ZNF709: variants seen among roughly 807,000 people sequenced by gnomAD.
ZNF709 encodes zinc finger protein 709.
Under a neutral mutation model 10.6 loss-of-function variants are expected in ZNF709, and 15 were observed. That is an observed-to-expected ratio of 1.41 (90% CI 0.95 to 2.18). The LOEUF is 2.18. Among genes scored for constraint, ZNF709 ranks in the 30% most tolerant of loss-of-function variants. The pLI is 0.00. For missense variants in ZNF709, 589 were observed against 774.0 expected (o/e 0.76, Z 2.84); for synonymous variants, 194 against 238.8 (o/e 0.81, Z 1.73).
At chr19:12,472,122 G>C (rs899799016) in intron 1 of ZNF709, among the ~76,000 whole-genome samples, 1 of 152,190 alleles carries the variant, frequency 6.6e-6, no homozygotes, top group Non-Finnish European at 1.5e-5. Flanking sequence ...CCAGGAGTTA[G>C]AGGCTGCAGT....
rs750712959 is a variant in ZNF709, at chr19:12,465,204, G to T, written c.718C>A (p.Arg240=). 41 of 1,612,832 alleles carry T rather than the reference G, an allele frequency of 2.5e-5. No individual in the cohort carries two copies. The Middle Eastern group carries it at 6.6e-4, about 26-fold the overall frequency. The change falls in exon 4 of 4, where the codon CGA becomes AGA. Residue 240 remains arginine (R), a synonymous_variant. Transcript: ENST00000397732. ...GKTFSHPSSF[R]NHERTHSGEK... ...CCAGAGTGAGTTCTTTCATGATTTC[G>T]AAAAGAACTGGGATGACTGAACGTT... is the stretch of plus-strand genomic sequence containing the variant.
At chr19:12,467,252 C>T (rs976102675) in intron 1 of ZNF709, among the ~76,000 whole-genome samples, 3 of 152,224 alleles carry the variant, frequency 2.0e-5, no homozygotes, top group Non-Finnish European at 4.4e-5. Context: ...ATTCTCCTGC[C>T]TCAGCCTGCC....
chr19:12,475,903 T>G (rs982102368), intron 1 of ZNF709, among the ~76,000 whole-genome samples: 6 of 152,164 alleles, frequency 3.9e-5, no homozygotes, highest in African/African-American at 1.4e-4. Context: ...CACATTAGTA[T>G]AGTATAGACT....
Position 12,464,595 on chromosome 19 carries a change from T to C in ZNF709, c.1327A>G (p.Thr443Ala). The C allele has an allele frequency of 3.1e-6, 5 of 1,612,350 alleles. No individual in the cohort carries two copies. The highest frequency in any genetic ancestry group is 4.2e-6 in the Non-Finnish European group (5 of 1,179,098). The change falls in exon 4 of 4, where the codon ACT (threonine) becomes GCT (alanine). Residue 443 changes from threonine (T) to alanine (A), a missense_variant. Transcript: ENST00000397732. ...SSVRIHERTH[T>A]GEKPYECKQC... ...TTACATTCATAGGGTTTCTCTCCAG[T>C]GTGAGTCCTTTCATGTATTCGAACA...
chr19:12,479,302 C>G (rs927523229), intron 1 of ZNF709, among the ~76,000 whole-genome samples: 1 of 151,440 alleles, frequency 6.6e-6, no homozygotes, highest in African/African-American at 2.4e-5. Flanking sequence ...GACCCCATCT[C>G]AAAAAAAATA....
chr19:12,464,232 G>T lies in ZNF709; in HGVS notation c.1690C>A (p.Gln564Lys). 1.3e-6 allele frequency: 2 copies of T among 1,593,398 alleles called. No homozygotes were observed. Among genetic ancestry groups the T allele is most frequent in the Non-Finnish European group, 1.7e-6 (2 of 1,170,960 alleles). The change falls in exon 4 of 4, where the codon CAA becomes AAA. Residue 564 changes from glutamine to lysine, a missense_variant. Physicochemically the swap from Gln to Lys is moderately conservative, Grantham distance 53. Around this residue, in one of 2 missense-constraint regions of ZNF709, gnomAD observed 171 missense variants for 277.7 expected, o/e 0.62. Coordinates refer to ENST00000397732, the MANE Select transcript of ZNF709 (RefSeq NM_152601.4). The part of the protein sequence containing the change: ...HTGEKPYECK[Q>K]CGKAFSCSSS... The stretch of plus-strand genomic sequence containing the variant: ...GAACAACTGAAGGCCTTACCACATT[G>T]TTTACACTCATAAGGTTTCTCTCCA...
At chr19:12,477,534 T>C (rs1970686970) in intron 1 of ZNF709, among the ~76,000 whole-genome samples, 1 of 152,224 alleles carries the variant, frequency 6.6e-6, no homozygotes, top group South Asian at 2.1e-4. Flanking sequence ...TCTTCTATTT[T>C]ATATTCAGTA....
At chr19:12,482,025 A>AG (rs1339712382) in intron 1 of ZNF709, among the ~76,000 whole-genome samples, 2 of 151,436 alleles carry the variant, frequency 1.3e-5, no homozygotes, top group East Asian at 3.9e-4. Context: ...AGGGAAAGGA[A>AG]AGCCAAGCCA....
intron 1 of ZNF709, among the ~76,000 whole-genome samples, chr19:12,470,926 C>CA (rs763385209): frequency 0.038 from 3,078 of 81,426 alleles, 91 homozygotes; most frequent in African/African-American, 0.11. Context: ...GACTCCACCT[C>CA]AAAAAAAAAA....
Position 12,465,643 on chromosome 19 carries a change from C to G in ZNF709, c.279G>C (p.Lys93Asn). Reference protein sequence around the residue: ...ISQTPNPKPNKKTFTRVKPYE... With the variant: ...ISQTPNPKPNNKTFTRVKPYE... ...ATGGTTTTACTCTAGTAAAAGTTTT[C>G]TTGTTTGGTTTAGGATTTGGAGTCT... The change falls in exon 4 of 4, where the codon AAG becomes AAC. Residue 93 changes from lysine to asparagine, a missense_variant. Lys to Asn is a moderately conservative substitution (Grantham distance 94, BLOSUM62 0). Transcript: ENST00000397732. 1 of 1,612,902 alleles carries G rather than the reference C, an allele frequency of 6.2e-7. No individual in the cohort carries two copies. Among genetic ancestry groups the G allele is most frequent in the Non-Finnish European group, 8.5e-7 (1 of 1,179,778 alleles).
chr19:12,465,136 T>G lies in ZNF709; in HGVS notation c.786A>C (p.Arg262Ser), dbSNP rs770525980. ...CATGTATTTGAAAAGTTTGGTAATA[T>G]CTGAAAGCTTTTCCACATTGTTTAC... ...YECKQCGKAF[R>S]YYQTFQIHER... The change falls in exon 4 of 4, where the codon AGA (arginine) becomes AGC (serine). Residue 262 changes from arginine to serine, a missense_variant. Arg to Ser is a moderately radical substitution (Grantham distance 110). Transcript: ENST00000397732. The G allele has an allele frequency of 5.0e-6, 8 of 1,611,532 alleles. No individual in the cohort carries two copies. Among genetic ancestry groups the G allele is most frequent in the Non-Finnish European group, 6.8e-6 (8 of 1,179,194 alleles).
At position 12,465,573 on chromosome 19, in the gene ZNF709, G is replaced by A; in HGVS notation, c.349C>T (p.Leu117Phe). ...CGKDYMCHSS[L>F]NRHMRSHTEH... ...GTATGAGATCTCATGTGCCTATTAA[G>A]AGATGAATGACACATATAGTCCTTT... The change falls in exon 4 of 4, where the codon CTT becomes TTT. Residue 117 changes from leucine to phenylalanine, a missense_variant. By Grantham distance (22) the Leu-to-Phe change is conservative (BLOSUM62 0). This residue lies in a region of ZNF709 where 418 missense variants were observed against 496.3 expected (regional missense o/e 0.84). Transcript: ENST00000397732. 6.2e-7 allele frequency: 1 copy of A among 1,613,812 alleles called. No individual in the cohort carries two copies. The highest frequency in any genetic ancestry group is 8.5e-7 in the Non-Finnish European group (1 of 1,179,968).
chr19:12,466,694 G>A (rs1222525515), intron 2 of ZNF709, 30 bp downstream of exon 2: 1 of 1,613,822 alleles, frequency 6.2e-7, no homozygotes, highest in Non-Finnish European at 8.5e-7. Flanking sequence ...TTCTCTAATT[G>A]ACTAAGTGAG....
intron 1 of ZNF709, among the ~76,000 whole-genome samples, chr19:12,479,731 G>A (rs1165343871): frequency 6.6e-6 from 1 of 152,074 alleles, no homozygotes; most frequent in East Asian, 1.9e-4. Context: ...TTAGCCGGGC[G>A]TGGTGGTGCA....
intron 1 of ZNF709, among the ~76,000 whole-genome samples, chr19:12,469,710 A>C (rs371426305): frequency 1.1e-3 from 164 of 152,232 alleles, no homozygotes; most frequent in South Asian, 6.4e-3. Context: ...CAGAGCTTGC[A>C]GTGAGCCGAG....
rs565445148 is a variant in ZNF709, at chr19:12,467,263, G to A, written c.4-413C>T. On this transcript the variant is annotated intron_variant, in intron 1 of 3. Transcript: ENST00000397732. ...CCTGATTCTCCTGCCTCAGCCTGCC[G>A]AGTGCCTGCGATTGCAGGCGCGCGC... 4.0e-3 allele frequency among the ~76,000 whole-genome samples: 611 copies of A among 152,280 alleles called. 2 individuals are homozygous for A. The highest frequency in any genetic ancestry group is 0.014 in the African/African-American group (571 of 41,566).
rs868252671 is a variant in ZNF709, at chr19:12,467,963, C to T, written c.4-1113G>A. On this transcript the variant is annotated intron_variant, in intron 1 of 3. Transcript: ENST00000397732. ...TCAGCCCCCGCACGGCCAGCCGCCC[C>T]GTCCGGGAGGGAGGTGGGGGTCAGC... is the stretch of plus-strand genomic sequence containing the variant. Among the ~76,000 whole-genome samples the T allele has an allele frequency of 1.2e-3, 187 of 151,050 alleles. 1 individual carries two copies. Among genetic ancestry groups the T allele is most frequent in the African/African-American group, 4.3e-3 (178 of 41,086 alleles).
At chr19:12,467,145 G>A (rs78246989) in intron 1 of ZNF709, among the ~76,000 whole-genome samples, 3 of 151,958 alleles carry the variant, frequency 2.0e-5, no homozygotes, top group Admixed American at 2.0e-4. Flanking sequence ...TCTCCCCACG[G>A]TCTCCCTCTC....
At chr19:12,470,333 C>T (rs1160211518) in intron 1 of ZNF709, among the ~76,000 whole-genome samples, 1 of 152,190 alleles carries the variant, frequency 6.6e-6, no homozygotes, top group Non-Finnish European at 1.5e-5. Context: ...GAAATATCCA[C>T]ACCTTTCTTG....
Sources: gnomAD v4.1 joint callset for allele counts (sites outside exome capture counted in the v4.1 genomes callset) on GRCh38, gnomAD v4.1.1 for gene constraint, gnomAD v4.1.1 regional missense constraint, MANE v1.5 for transcripts, NCBI Gene and HGNC (gene_info 2026-07-23, HGNC 2026-07-21) for gene names.